ITSN2: variants seen among roughly 807,000 people sequenced by gnomAD.
ITSN2 encodes the protein intersectin 2.
A neutral mutation model predicts 243.7 loss-of-function variants in ITSN2; 156 were observed. That is an observed-to-expected ratio of 0.64 (90% CI 0.56 to 0.73). The LOEUF is 0.73. ITSN2 is among the 30% of genes least tolerant of loss of function. The pLI is 0.00. For missense variants in ITSN2, 1,801 were observed against 1,996.1 expected, an observed-to-expected ratio of 0.90 and a Z score of 1.86; for synonymous variants, 703 against 699.9, an observed-to-expected ratio of 1.00 and a Z score of -0.07.
chr2:24,334,538 G>A, intron 1 of ITSN2: 1 of 852,684 alleles, frequency 1.2e-6, no homozygotes, highest in Non-Finnish European at 1.9e-6. Context: ...AAACCCGCAG[G>A]ACTTTCTGTA....
At chr2:24,341,456 G>A (rs1407077020) in intron 1 of ITSN2, among the ~76,000 whole-genome samples, 1 of 152,216 alleles carries the variant, frequency 6.6e-6, no homozygotes, top group Admixed American at 6.5e-5. Context: ...AGAGTTTCAA[G>A]GAGAAAATGG....
intron 1 of ITSN2, among the ~76,000 whole-genome samples, chr2:24,342,959 CA>C (rs1278388803): frequency 6.6e-6 from 1 of 151,866 alleles, no homozygotes; most frequent in Non-Finnish European, 1.5e-5. Context: ...GGCGAGGTGG[CA>C]TGTGCCTGTG....
chr2:24,278,878 T>C (rs1466781712), intron 17 of ITSN2, among the ~76,000 whole-genome samples: 1 of 152,020 alleles, frequency 6.6e-6, no homozygotes, highest in African/African-American at 2.4e-5. Flanking sequence ...TCGTGAATTG[T>C]TGAGCTCAGG....
At chr2:24,279,954 G>A (rs758681296) in intron 17 of ITSN2, among the ~76,000 whole-genome samples, 19 of 151,514 alleles carry the variant, frequency 1.3e-4, no homozygotes, top group African/African-American at 2.2e-4. Flanking sequence ...GGCTGGTCTC[G>A]AACTCCTGAT....
chr2:24,208,124 G>A (rs1049749273), intron 37 of ITSN2, 113 bp downstream of exon 37: 8 of 901,612 alleles, frequency 8.9e-6, no homozygotes, highest in Non-Finnish European at 1.2e-5. Flanking sequence ...TGATCCCGCA[G>A]CAGGTCTGGT....
chr2:24,210,001 C>T lies in ITSN2; in HGVS notation c.4290G>A (p.Leu1430=). The change falls in exon 35 of 40, where the codon CTG becomes CTA. Residue 1430 remains leucine, a synonymous_variant. Coordinates refer to ENST00000355123, the MANE Select transcript of ITSN2 (RefSeq NM_006277.3). The part of the protein sequence containing the change: ...QLIFNSLTNC[L]GPRKLLHSGK... Reference sequence around the variant, plus strand: ...CACTGTGTAAGAGCTTCCGGGGCCCCAGGCAGTTGGTGAGAGAGTTGAAAA... The same window carrying T: ...CACTGTGTAAGAGCTTCCGGGGCCCTAGGCAGTTGGTGAGAGAGTTGAAAA... The T allele has an allele frequency of 6.2e-7, 1 of 1,614,038 alleles. No individual in the cohort carries two copies. Among genetic ancestry groups the T allele is most frequent in the Non-Finnish European group, 8.5e-7 (1 of 1,179,922 alleles).
chr2:24,347,791 G>A (rs980754031), intron 1 of ITSN2, among the ~76,000 whole-genome samples: 1 of 151,698 alleles, frequency 6.6e-6, no homozygotes, highest in African/African-American at 2.4e-5. Context: ...AACAGATAAG[G>A]CTAAACACGG....
At chr2:24,232,221 G>C (rs1671698387) in intron 29 of ITSN2, among the ~76,000 whole-genome samples, 2 of 152,206 alleles carry the variant, frequency 1.3e-5, no homozygotes, top group Non-Finnish European at 2.9e-5. Flanking sequence ...AAAAAGGAAA[G>C]AAGTTGAAAT....
chr2:24,323,308 A>C (rs1684794238), intron 2 of ITSN2, among the ~76,000 whole-genome samples: 1 of 152,234 alleles, frequency 6.6e-6, no homozygotes, highest in East Asian at 1.9e-4. Flanking sequence ...ATAATCACTA[A>C]AACCTGGAAA....
intron 31 of ITSN2, 43 bp downstream of exon 31, chr2:24,217,864 G>A (rs768931324): frequency 2.2e-6 from 3 of 1,378,522 alleles, no homozygotes; most frequent in Non-Finnish European, 3.1e-6. Context: ...CAGTCTGGGG[G>A]CTTTGGGGTC....
rs1341953142 is a variant in ITSN2 at position 24,211,094 on chromosome 2, C to G, written c.4090-147G>C. The G allele has an allele frequency of 2.9e-6, 2 of 695,810 alleles. No homozygotes were observed. The highest frequency in any genetic ancestry group is 4.8e-6 in the Non-Finnish European group (2 of 415,958). The allele number at this position is 695,810 out of a possible 1,614,324, so 43.1% of individuals were successfully genotyped here. A position where few individuals can be genotyped will look rare whatever the true frequency, so the allele number is the denominator to read the frequency against. On this transcript the variant is annotated intron_variant, in intron 33 of 39. Transcript: ENST00000355123. The surrounding 1 kb of genome is among the most constrained non-coding windows in gnomAD (Gnocchi z 4.1). ...CGGTGAACAAGACGACACTTTCCGC[C>G]CTTGAGAAACTCGTACTCCCACAAG...
chr2:24,262,735 C>G (rs1574063320), intron 20 of ITSN2, among the ~76,000 whole-genome samples: 1 of 152,192 alleles, frequency 6.6e-6, no homozygotes, highest in Non-Finnish European at 1.5e-5. Context: ...AAGCAACATG[C>G]CTATACTTTC....
At chr2:24,322,474 G>A (rs1684688832) in intron 2 of ITSN2, among the ~76,000 whole-genome samples, 1 of 152,148 alleles carries the variant, frequency 6.6e-6, no homozygotes, top group African/African-American at 2.4e-5. Flanking sequence ...AACATGTGGA[G>A]ATAATTCAAG....
rs1573852043 is a variant in ITSN2 at position 24,208,455 on chromosome 2, T to G, written c.4596-136A>C. ...AAGTTTCCTATCAAAGACCTGATATTAGTCAACTGAAAGATGCTTATGCTA... is the reference window on the plus strand; with the variant it reads ...AAGTTTCCTATCAAAGACCTGATATGAGTCAACTGAAAGATGCTTATGCTA... On this transcript the variant is annotated intron_variant, in intron 36 of 39. Coordinates refer to ENST00000355123, the MANE Select transcript of ITSN2 (RefSeq NM_006277.3). The G allele has an allele frequency of 1.6e-5, 11 of 675,322 alleles. No homozygotes were observed. The East Asian group carries it at 2.9e-4, about 18-fold the overall frequency. 41.8% of individuals were successfully genotyped at this position (675,322 alleles called of 1,614,324 possible). A position where few individuals can be genotyped will look rare whatever the true frequency, so the allele number is the denominator to read the frequency against.
chr2:24,254,953 G>C (rs1160336832), intron 23 of ITSN2, among the ~76,000 whole-genome samples: 2 of 152,096 alleles, frequency 1.3e-5, no homozygotes, highest in Non-Finnish European at 2.9e-5. Context: ...GACACCTGTG[G>C]GATGCACCAG....
At chr2:24,258,453 TTC>T (rs1002088881) in intron 22 of ITSN2, among the ~76,000 whole-genome samples, 6 of 152,188 alleles carry the variant, frequency 3.9e-5, no homozygotes, top group African/African-American at 1.4e-4. Flanking sequence ...TGCAATGTAA[TTC>T]TGTTTACTCC....
chr2:24,318,791 A>G (rs1432760320), intron 2 of ITSN2, among the ~76,000 whole-genome samples: 1 of 152,190 alleles, frequency 6.6e-6, no homozygotes, highest in East Asian at 1.9e-4. Flanking sequence ...AAGGGGATCT[A>G]GAGCAGGAAT....
Position 24,257,665 on chromosome 2 carries a change from C to T in ITSN2, c.2888+223G>A, listed in dbSNP as rs189634554. On this transcript the variant is annotated intron_variant, in intron 23 of 39. Transcript: ENST00000355123. ...AGAGACAGGGTTTCACCACGTCACC[C>T]AGGCTGGTCTCAAACCCCTGGGCTC... Among the ~76,000 whole-genome samples the T allele has an allele frequency of 1.0e-3, 153 of 152,150 alleles. 1 individual carries two copies. Among genetic ancestry groups the T allele is most frequent in the African/African-American group, 3.5e-3 (145 of 41,496 alleles).
chr2:24,210,614 C>CAAAAA (rs950984341), intron 34 of ITSN2, among the ~76,000 whole-genome samples, 166 bp downstream of exon 34: 2 of 53,958 alleles, frequency 3.7e-5, no homozygotes, highest in African/African-American at 8.6e-5. Context: ...GACTCCGTCT[C>CAAAAA]AAAAAAAAAA....
Sources: allele counts gnomAD v4.1 joint callset (sites outside exome capture counted in the v4.1 genomes callset), GRCh38; gene constraint gnomAD v4.1.1; non-coding constraint Gnocchi (gnomAD v3.1); transcripts MANE v1.5; gene names NCBI Gene and HGNC (gene_info 2026-07-23, HGNC 2026-07-21).